Variants in NAPB observed in about 807,000 individuals in gnomAD.
NAPB encodes the protein NSF attachment protein beta.
A neutral mutation model predicts 44.7 loss-of-function variants in NAPB; 26 were observed. The ratio of observed to expected loss-of-function variants is 0.58; its 90% confidence interval spans 0.43 to 0.81. The LOEUF (loss-of-function observed/expected upper bound fraction) is 0.81. Among genes scored for constraint, NAPB ranks in the 30% least tolerant of loss-of-function variants. NAPB has a pLI of 0.00. For missense variants in NAPB, 315 were observed against 356.4 expected (o/e 0.88, Z 0.94); for synonymous variants, 120 against 116.8 (o/e 1.03, Z -0.18).
At chr20:23,421,245 A>C in intron 1 of NAPB, 60 bp downstream of exon 1, 2 of 1,429,152 alleles carry the variant, frequency 1.4e-6, no homozygotes, top group South Asian at 2.5e-5. Context: ...TCAGCCTGAA[A>C]GGAAGGGGGC....
At position 23,394,920 on chromosome 20, in the gene NAPB, A is replaced by T; in HGVS notation, c.420+2T>A. Reference sequence around the variant, plus strand: ...ATCTGAGGAAGTGTGCCCACTGCTTACCTTCTCAATGTCTACAAGTTCAGT... The same window carrying T: ...ATCTGAGGAAGTGTGCCCACTGCTTTCCTTCTCAATGTCTACAAGTTCAGT... On this transcript the variant is annotated splice_donor_variant, in intron 5 of 10. Coordinates refer to ENST00000377026, the MANE Select transcript of NAPB (RefSeq NM_022080.3). LOFTEE classifies it high-confidence loss of function. 1 of 1,613,834 alleles carries T rather than the reference A, an allele frequency of 6.2e-7. No homozygotes were observed. The highest frequency in any genetic ancestry group is 8.5e-7 in the Non-Finnish European group (1 of 1,179,702).
intron 8 of NAPB, among the ~76,000 whole-genome samples, chr20:23,380,364 T>C (rs966797607): frequency 4.6e-5 from 7 of 152,224 alleles, no homozygotes; most frequent in African/African-American, 1.7e-4. Context: ...ATGCCAAGGC[T>C]GCCTGTCTTT....
At chr20:23,404,834 T>C (rs1985118231) in intron 1 of NAPB, among the ~76,000 whole-genome samples, 1 of 152,214 alleles carries the variant, frequency 6.6e-6, no homozygotes, top group African/African-American at 2.4e-5. Context: ...TAGGATGGGC[T>C]ACTGTCTGTC....
At chr20:23,395,646 A>G (rs539126031) in intron 3 of NAPB, among the ~76,000 whole-genome samples, 8 of 152,338 alleles carry the variant, frequency 5.3e-5, no homozygotes, top group Non-Finnish European at 8.8e-5. Context: ...ATGCAGCCAA[A>G]AGCAAAAGCA....
At chr20:23,379,985 G>A (rs752295657) in intron 8 of NAPB, 50 bp from the exon 9 acceptor site, 2 of 1,461,672 alleles carry the variant, frequency 1.4e-6, no homozygotes, top group Admixed American at 3.4e-5. Context: ...AACAAACAAA[G>A]CTTTCAACAT....
intron 3 of NAPB, 119 bp from the exon 4 acceptor site, chr20:23,395,304 G>A: frequency 9.8e-7 from 1 of 1,017,056 alleles, no homozygotes; most frequent in African/African-American, 1.6e-5. Context: ...TGGAGTGGAG[G>A]GTGGGCAGGT....
chr20:23,408,133 C>G (rs1322561579), intron 1 of NAPB, among the ~76,000 whole-genome samples: 1 of 152,128 alleles, frequency 6.6e-6, no homozygotes, highest in Admixed American at 6.5e-5. Flanking sequence ...CATGTAGAAC[C>G]AGAGGCAAAA....
At chr20:23,420,492 G>A (rs743022) in intron 1 of NAPB, among the ~76,000 whole-genome samples, 1 of 151,998 alleles carries the variant, frequency 6.6e-6, no homozygotes, top group South Asian at 2.1e-4. Flanking sequence ...CCCCCTCCCC[G>A]GCGGGGCCCA....
chr20:23,409,683 A>C (rs1389475496), intron 1 of NAPB, among the ~76,000 whole-genome samples: 1 of 152,206 alleles, frequency 6.6e-6, no homozygotes, highest in African/African-American at 2.4e-5. Flanking sequence ...TTCCCAAAAA[A>C]TCATGGTGGC....
intron 1 of NAPB, among the ~76,000 whole-genome samples, chr20:23,404,056 A>T (rs1387900957): frequency 6.6e-6 from 1 of 152,180 alleles, no homozygotes; most frequent in Non-Finnish European, 1.5e-5. Flanking sequence ...GTTCTTTACC[A>T]AGCAGCTGAT....
At chr20:23,421,254 G>A (rs1038748185) in intron 1 of NAPB, 51 bp downstream of exon 1, 21 of 1,414,768 alleles carry the variant, frequency 1.5e-5, no homozygotes, top group Middle Eastern at 1.8e-4. Flanking sequence ...AAGGAAGGGG[G>A]CCAAGTACGG....
At chr20:23,381,460 T>A (rs958461201) in intron 7 of NAPB, 143 bp from the exon 8 acceptor site, 3 of 537,216 alleles carry the variant, frequency 5.6e-6, no homozygotes, top group Non-Finnish European at 9.6e-6. Context: ...CCGAATACCA[T>A]ATAGTAGAAA....
chr20:23,404,837 T>A, intron 1 of NAPB, among the ~76,000 whole-genome samples: 1 of 152,344 alleles, frequency 6.6e-6, no homozygotes, highest in Middle Eastern at 3.4e-3. Context: ...GATGGGCTAC[T>A]GTCTGTCAAA....
chr20:23,379,554 T>TA lies in NAPB; in HGVS notation c.736-60dup. 2.3e-6 allele frequency: 3 copies of TA among 1,299,518 alleles called. No homozygotes were observed. In the South Asian group the frequency reaches 3.8e-5, roughly 17 times the overall value. 80.5% of individuals were successfully genotyped at this position (1,299,518 alleles called of 1,614,324 possible). A position where few individuals can be genotyped will look rare whatever the true frequency, so the allele number is the denominator to read the frequency against. ...TGTAAGATGAAGTCCCATTTCTAAA[T>TA]ATATACTTTAAGTATAATACCAATG... On this transcript the variant is annotated intron_variant, in intron 9 of 10. Transcript: ENST00000377026.
chr20:23,415,820 G>C (rs1171586037), intron 1 of NAPB, among the ~76,000 whole-genome samples: 1 of 152,016 alleles, frequency 6.6e-6, no homozygotes, highest in Admixed American at 6.6e-5. Context: ...TACAAAATTA[G>C]TCAGGCATGG....
At chr20:23,389,230 T>TAAAAAA (rs202242386) in intron 7 of NAPB, among the ~76,000 whole-genome samples, 1 of 101,072 alleles carries the variant, frequency 9.9e-6, no homozygotes, top group Non-Finnish European at 1.8e-5. Flanking sequence ...TGACTATTAT[T>TAAAAAA]TAAAAAAAAA....
chr20:23,410,203 AC>A (rs1660222508), intron 1 of NAPB, among the ~76,000 whole-genome samples: 1 of 152,090 alleles, frequency 6.6e-6, no homozygotes, highest in South Asian at 2.1e-4. Context: ...AGTCACACAA[AC>A]CTACCCCTCC....
At chr20:23,420,612 G>A (rs1010837112) in intron 1 of NAPB, among the ~76,000 whole-genome samples, 1 of 152,042 alleles carries the variant, frequency 6.6e-6, no homozygotes, top group East Asian at 2.0e-4. Context: ...TCTCAGGAGC[G>A]ATACGGGCTT....
At chr20:23,415,757 C>T (rs896496905) in intron 1 of NAPB, among the ~76,000 whole-genome samples, 10 of 151,764 alleles carry the variant, frequency 6.6e-5, no homozygotes, top group African/African-American at 1.5e-4. Flanking sequence ...GCTTGAGTCC[C>T]GGAGTTGGAG....
Sources: allele counts gnomAD v4.1 joint callset (sites outside exome capture counted in the v4.1 genomes callset), GRCh38; gene constraint gnomAD v4.1.1; transcripts MANE v1.5; gene names NCBI Gene and HGNC (gene_info 2026-07-23, HGNC 2026-07-21).